The following SYBU variants were observed in gnomAD, a reference collection of about 807,000 sequenced individuals.
SYBU encodes the protein syntabulin.
SYBU carries 21 observed loss-of-function variants against 35.9 expected under a neutral mutation model. The ratio of observed to expected loss-of-function variants is 0.58; its 90% CI spans 0.41 to 0.84. The LOEUF (loss-of-function observed/expected upper bound fraction) is 0.84, where lower values mean the gene tolerates loss of function less well. SYBU is among the 40% of genes least tolerant of loss of function. SYBU has a pLI of 0.00. For missense variants in SYBU, 768 were observed against 848.2 expected, an observed-to-expected ratio of 0.91 and a Z score of 1.17; for synonymous variants, 319 against 324.3, an observed-to-expected ratio of 0.98 and a Z score of 0.18.
At chr8:109,654,694 A>G (rs1332544338) in intron 1 of SYBU, among the ~76,000 whole-genome samples, 1 of 152,184 alleles carries the variant, frequency 6.6e-6, no homozygotes, top group African/African-American at 2.4e-5. Flanking sequence ...CAGGGTCCAC[A>G]AACTCACTAC....
chr8:109,578,844 TA>T (rs1339432911), intron 5 of SYBU, among the ~76,000 whole-genome samples: 5 of 152,214 alleles, frequency 3.3e-5, no homozygotes, highest in South Asian at 2.1e-4. Flanking sequence ...CAAGTTGTTC[TA>T]AAATCAATCC....
intron 1 of SYBU, among the ~76,000 whole-genome samples, chr8:109,687,211 T>G (rs1817539598): frequency 6.6e-6 from 1 of 152,190 alleles, no homozygotes; most frequent in Non-Finnish European, 1.5e-5. Context: ...TTGTTACAGT[T>G]CATTTAATAC....
intron 2 of SYBU, among the ~76,000 whole-genome samples, chr8:109,621,092 G>A (rs1024548405): frequency 1.3e-5 from 2 of 152,144 alleles, no homozygotes; most frequent in Non-Finnish European, 2.9e-5. Context: ...AAAAATCTGT[G>A]CTTCAGAGTG....
intron 6 of SYBU, among the ~76,000 whole-genome samples, chr8:109,577,385 A>G (rs1822453855): frequency 6.6e-6 from 1 of 150,804 alleles, no homozygotes; most frequent in African/African-American, 2.4e-5. Flanking sequence ...CAGCCTTAAC[A>G]CTTGGCCAAG....
intron 1 of SYBU, among the ~76,000 whole-genome samples, chr8:109,673,065 C>T (rs952495192): frequency 1.3e-5 from 2 of 152,170 alleles, no homozygotes; most frequent in African/African-American, 2.4e-5. Flanking sequence ...CCAACTCTCT[C>T]GGACAGAGCA....
At chr8:109,580,086 A>T in intron 4 of SYBU, 84 bp from the exon 5 acceptor site, 1 of 1,298,972 alleles carries the variant, frequency 7.7e-7, no homozygotes, top group Non-Finnish European at 1.1e-6. Flanking sequence ...AATCTAAGGA[A>T]ATCCAATTTA....
intron 3 of SYBU, among the ~76,000 whole-genome samples, chr8:109,615,993 TTTTCTTTTCTTTC>T (rs1563725913): frequency 1.4e-4 from 19 of 131,364 alleles, no homozygotes; most frequent in African/African-American, 5.8e-4. Context: ...ATTTCTTTTC[TTTTCTTTTCTTTC>T]TTTTTTTTTT....
chr8:109,663,129 C>T (rs972116111), intron 1 of SYBU, among the ~76,000 whole-genome samples: 2 of 152,036 alleles, frequency 1.3e-5, no homozygotes, highest in South Asian at 2.1e-4. Context: ...TAGTTTAATG[C>T]CATTGTCAGA....
chr8:109,669,831 T>C (rs578089088), intron 1 of SYBU, among the ~76,000 whole-genome samples: 1 of 152,198 alleles, frequency 6.6e-6, no homozygotes, highest in East Asian at 1.9e-4. Flanking sequence ...ACCTGGATCC[T>C]AGCTACCTAT....
chr8:109,663,552 T>C, intron 1 of SYBU, among the ~76,000 whole-genome samples: 1 of 152,176 alleles, frequency 6.6e-6, no homozygotes, highest in East Asian at 1.9e-4. Flanking sequence ...AAAAAATAAA[T>C]CATAGTTAAC....
intron 1 of SYBU, among the ~76,000 whole-genome samples, chr8:109,665,537 A>C (rs1198767515): frequency 6.6e-6 from 1 of 152,214 alleles, no homozygotes; most frequent in Admixed American, 6.5e-5. Context: ...TTTTGGTTGG[A>C]TTAAAAATAG....
At chr8:109,620,511 C>A (rs573997730) in intron 2 of SYBU, among the ~76,000 whole-genome samples, 10 of 152,206 alleles carry the variant, frequency 6.6e-5, no homozygotes, top group African/African-American at 2.4e-4. Flanking sequence ...TTTTCAATTA[C>A]AAAATATCTC....
chr8:109,616,856 A>G (rs1326155544), intron 3 of SYBU, among the ~76,000 whole-genome samples: 1 of 151,988 alleles, frequency 6.6e-6, no homozygotes, highest in Non-Finnish European at 1.5e-5. Flanking sequence ...AGAGGATGGT[A>G]GGGCCAGCAC....
At chr8:109,689,817 CTG>C (rs1563782821) in intron 1 of SYBU, among the ~76,000 whole-genome samples, 1 of 132,650 alleles carries the variant, frequency 7.5e-6, no homozygotes, top group Non-Finnish European at 1.5e-5. Flanking sequence ...CTTTTACCTA[CTG>C]TTACTACAAT....
chr8:109,624,116 G>A (rs1336429365), intron 2 of SYBU, among the ~76,000 whole-genome samples: 2 of 152,070 alleles, frequency 1.3e-5, no homozygotes, highest in East Asian at 1.9e-4. Flanking sequence ...AATAATTTGA[G>A]TACCAAAAAG....
chr8:109,658,114 A>T (rs1440518793), intron 1 of SYBU, among the ~76,000 whole-genome samples: 3 of 152,172 alleles, frequency 2.0e-5, no homozygotes, highest in Admixed American at 2.0e-4. Flanking sequence ...TAGCAAACAC[A>T]TTGTCCTTCT....
Position 109,589,242 on chromosome 8 carries a change from T to C in SYBU, c.428-3080A>G, listed in dbSNP as rs188040175. Among the ~76,000 whole-genome samples, 924 of 152,156 alleles carry C rather than the reference T, an allele frequency of 6.1e-3. 5 individuals are homozygous for C. Among genetic ancestry groups the C allele is most frequent in the South Asian group, 9.8e-3 (47 of 4,818 alleles). ...AGCTAGACAGCCTGGATTCAAAGCC[T>C]GCTCCTAACCCATATTAGGTGGAAA... On this transcript the variant is annotated intron_variant, in intron 3 of 6. Transcript: ENST00000276646.
At chr8:109,690,602 G>T (rs1472733439) in intron 1 of SYBU, among the ~76,000 whole-genome samples, 1 of 152,118 alleles carries the variant, frequency 6.6e-6, no homozygotes, top group African/African-American at 2.4e-5. Context: ...TAAAAGCAAC[G>T]ATTTTCCGAT....
chr8:109,644,290 C>T (rs1815324354), intron 1 of SYBU: 1 of 521,788 alleles, frequency 1.9e-6, no homozygotes, highest in African/African-American at 1.9e-5. Flanking sequence ...CACTGACACG[C>T]GGGAGTCCTC....
Sources: gnomAD v4.1 joint callset for allele counts (sites outside exome capture counted in the v4.1 genomes callset) on GRCh38, gnomAD v4.1.1 for gene constraint, MANE v1.5 for transcripts, NCBI Gene and HGNC (gene_info 2026-07-23, HGNC 2026-07-21) for gene names.